The following CHRM3 variants were observed in gnomAD, a reference collection of about 807,000 sequenced individuals.
The protein encoded by CHRM3 is muscarinic acetylcholine receptor M3.
A neutral mutation model predicts 41.8 loss-of-function variants in CHRM3; 11 were observed. The ratio of observed to expected loss-of-function variants is 0.26; its 90% confidence interval spans 0.17 to 0.44. The LOEUF is 0.44. Among genes scored for constraint, CHRM3 ranks in the 20% least tolerant of loss-of-function variants. The pLI, the probability that CHRM3 is intolerant of heterozygous loss-of-function variation, is 1.00. For synonymous variants in CHRM3, 297 were observed against 301.4 expected (o/e 0.99, Z 0.15); for missense variants, 571 against 745.4 (o/e 0.77, Z 2.72).
intron 4 of CHRM3, among the ~76,000 whole-genome samples, chr1:239,643,714 C>T (rs12021774): frequency 0.27 from 40,612 of 152,168 alleles, 6,196 homozygotes; most frequent in East Asian, 0.65. Context: ...TGACTCCTTG[C>T]GCTTCCCAAG....
intron 6 of CHRM3, among the ~76,000 whole-genome samples, chr1:239,904,522 G>C (rs571111964): frequency 2.7e-4 from 41 of 152,264 alleles, no homozygotes; most frequent in South Asian, 1.5e-3. Context: ...GTATCTGGAT[G>C]GGGGGAGAGC....
At chr1:239,869,191 C>T (rs1235729775) in intron 6 of CHRM3, among the ~76,000 whole-genome samples, 1 of 152,070 alleles carries the variant, frequency 6.6e-6, no homozygotes, top group Non-Finnish European at 1.5e-5. Flanking sequence ...GTGGGGAGCG[C>T]ACCTGGGCAG....
chr1:239,855,336 T>G (rs1016285560), intron 6 of CHRM3, among the ~76,000 whole-genome samples: 1 of 152,198 alleles, frequency 6.6e-6, no homozygotes, highest in African/African-American at 2.4e-5. Context: ...ATGGCTTCAT[T>G]GTGAAATCCA....
chr1:239,616,442 G>T (rs1023930442), intron 3 of CHRM3, among the ~76,000 whole-genome samples: 8 of 152,266 alleles, frequency 5.3e-5, no homozygotes, highest in African/African-American at 1.9e-4. Flanking sequence ...GAGCCAGGGT[G>T]TCCTTGGTTC....
chr1:239,871,137 G>A (rs896010535), intron 6 of CHRM3, among the ~76,000 whole-genome samples: 3 of 152,120 alleles, frequency 2.0e-5, no homozygotes, highest in African/African-American at 7.2e-5. Flanking sequence ...ATACTAGAAT[G>A]TATTTAAATA....
Position 239,781,654 on chromosome 1 carries a change from T to C in CHRM3, c.-146-45598T>C, listed in dbSNP as rs535601211. Among the ~76,000 whole-genome samples, 9 of 152,278 alleles carry C rather than the reference T, an allele frequency of 5.9e-5. No individual in the cohort carries two copies. The East Asian group carries it at 1.3e-3, about 23-fold the overall frequency. On this transcript the variant is annotated intron_variant, in intron 5 of 6. Coordinates refer to ENST00000676153, the MANE Select transcript of CHRM3 (RefSeq NM_001375978.1). The stretch of plus-strand genomic sequence containing the variant: ...ATTAGCTGGAACTTCCAGTGTCATG[T>C]TGAAAAGCAGTGGTGAGCGGGGACA...
At chr1:239,786,394 C>G (rs567884050) in intron 5 of CHRM3, among the ~76,000 whole-genome samples, 15 of 152,138 alleles carry the variant, frequency 9.9e-5, no homozygotes, top group African/African-American at 3.6e-4. Flanking sequence ...CTCATTTAAC[C>G]CTCACAACAT....
At chr1:239,440,024 C>G (rs150033437) in intron 1 of CHRM3, among the ~76,000 whole-genome samples, 4 of 151,420 alleles carry the variant, frequency 2.6e-5, no homozygotes, top group Non-Finnish European at 5.9e-5. Context: ...ATGGTGAAAC[C>G]CTGTCTCTAC....
chr1:239,837,688 T>C (rs10925985), intron 6 of CHRM3, among the ~76,000 whole-genome samples: 42,382 of 152,206 alleles, frequency 0.28, 7,071 homozygotes, highest in East Asian at 0.51. Flanking sequence ...TATAAATCAT[T>C]ATGAGACATT....
rs112010872 is a variant in CHRM3 at position 239,806,336 on chromosome 1, A to AAC, written c.-146-20899_-146-20898dup. Among the ~76,000 whole-genome samples the AAC allele has an allele frequency of 7.2e-3, 1,075 of 149,820 alleles. 8 individuals carry two copies. The highest frequency in any genetic ancestry group is 0.018 in the South Asian group (85 of 4,704). On this transcript the variant is annotated intron_variant, in intron 5 of 6. Coordinates refer to ENST00000676153, the MANE Select transcript of CHRM3 (RefSeq NM_001375978.1). ...AGTATCCAATGGGATGGAGTTACAC[A>AAC]ACACACACACACACACACCTGTGGA... is the stretch of plus-strand genomic sequence containing the variant.
rs541439168 is a variant in CHRM3 at position 239,832,233 on chromosome 1, T to C, written c.-20+4855T>C. Among the ~76,000 whole-genome samples, 5 of 152,282 alleles carry C rather than the reference T, an allele frequency of 3.3e-5. No individual in the cohort carries two copies. The East Asian group carries it at 7.7e-4, about 24-fold the overall frequency. ...GGGTTCGTGGCCAGCCAGTTACCTT[T>C]TGTCACATTTTTGTTCTTCCTTTAT... is the stretch of plus-strand genomic sequence containing the variant. On this transcript the variant is annotated intron_variant, in intron 6 of 6. Transcript: ENST00000676153.
chr1:239,507,350 G>C (rs1165110757), intron 2 of CHRM3, among the ~76,000 whole-genome samples: 3 of 152,152 alleles, frequency 2.0e-5, no homozygotes, highest in Non-Finnish European at 4.4e-5. Context: ...AGTCTCATGA[G>C]ATCTGATGGT....
intron 6 of CHRM3, among the ~76,000 whole-genome samples, chr1:239,830,552 A>G (rs1672813126): frequency 6.6e-6 from 1 of 152,074 alleles, no homozygotes; most frequent in South Asian, 2.1e-4. Flanking sequence ...AAATACAAAA[A>G]AACTAGCCAG....
At chr1:239,636,786 C>T (rs1670508866) in intron 4 of CHRM3, among the ~76,000 whole-genome samples, 1 of 152,188 alleles carries the variant, frequency 6.6e-6, no homozygotes, top group Non-Finnish European at 1.5e-5. Flanking sequence ...GCAGTAGATT[C>T]TTGTGATCCA....
At chr1:239,505,773 A>G (rs1024476537) in intron 2 of CHRM3, among the ~76,000 whole-genome samples, 2 of 152,174 alleles carry the variant, frequency 1.3e-5, no homozygotes, top group African/African-American at 4.8e-5. Flanking sequence ...AGAAGACAGG[A>G]AATTGTGGGA....
intron 5 of CHRM3, among the ~76,000 whole-genome samples, chr1:239,797,220 G>A (rs1054380042): frequency 6.6e-6 from 1 of 152,032 alleles, no homozygotes; most frequent in African/African-American, 2.4e-5. Context: ...GAAAGGAGGG[G>A]GCAAGGGCTA....
chr1:239,671,860 C>T (rs900339415), intron 4 of CHRM3, among the ~76,000 whole-genome samples: 3 of 152,080 alleles, frequency 2.0e-5, no homozygotes, highest in African/African-American at 7.2e-5. Flanking sequence ...CAACTGATTA[C>T]ATCTAGCCTC....
In CHRM3 at chr1:239,648,605, AAG is replaced by A. The variant is rs1222807040; in HGVS notation, c.-250+16320_-250+16321del. ...GGGAATTCTGGAGAGGAGCGAGCAA[AAG>A]GGAATATGGTGATTTCAAGGATAAG... On this transcript the variant is annotated intron_variant, in intron 4 of 6. Transcript: ENST00000676153. Among the ~76,000 whole-genome samples, 19 of 151,750 alleles carry A rather than the reference AAG, an allele frequency of 1.3e-4. No individual in the cohort carries two copies. The East Asian group carries it at 3.7e-3, about 29-fold the overall frequency.
intron 6 of CHRM3, among the ~76,000 whole-genome samples, chr1:239,880,639 A>G (rs962147091): frequency 6.6e-6 from 1 of 152,132 alleles, no homozygotes; most frequent in African/African-American, 2.4e-5. Flanking sequence ...CTATAGGTGC[A>G]CACCACCATG....
Sources: allele counts gnomAD v4.1 joint callset (sites outside exome capture counted in the v4.1 genomes callset), GRCh38; gene constraint gnomAD v4.1.1; transcripts MANE v1.5; gene names NCBI Gene and HGNC (gene_info 2026-07-23, HGNC 2026-07-21).